Variants in LRFN5 observed in about 807,000 individuals in gnomAD.
LRFN5 encodes the protein leucine rich repeat and fibronectin type III domain containing 5.
LRFN5 carries 24 observed loss-of-function variants against 45.6 expected under a neutral mutation model. That is an observed-to-expected ratio of 0.53 (90% CI 0.38 to 0.74). LRFN5 has a LOEUF of 0.74. Ranked by LOEUF, LRFN5 falls within the 30% of genes least tolerant of loss-of-function variation. LRFN5 has a pLI of 0.00. For missense variants in LRFN5, 776 were observed against 861.5 expected, an observed-to-expected ratio of 0.90 and a Z score of 1.24; for synonymous variants, 340 against 313.8, an observed-to-expected ratio of 1.08 and a Z score of -0.88.
intron 2 of LRFN5, among the ~76,000 whole-genome samples, chr14:41,849,609 T>G (rs1889194503): frequency 6.6e-6 from 1 of 152,024 alleles, no homozygotes; most frequent in Non-Finnish European, 1.5e-5. Flanking sequence ...ATTTAATTTT[T>G]AAGAACTACC....
At chr14:41,875,921 A>G (rs1464664019) in intron 2 of LRFN5, among the ~76,000 whole-genome samples, 3 of 152,202 alleles carry the variant, frequency 2.0e-5, no homozygotes, top group Non-Finnish European at 4.4e-5. Context: ...TAGGCCACGT[A>G]TTTAACCAGC....
chr14:41,773,655 G>A (rs897599059), intron 2 of LRFN5, among the ~76,000 whole-genome samples: 8 of 152,072 alleles, frequency 5.3e-5, no homozygotes, highest in Admixed American at 6.6e-5. Flanking sequence ...ACTTGTTGGT[G>A]AGGTAAGGCA....
intron 2 of LRFN5, among the ~76,000 whole-genome samples, chr14:41,873,163 G>A (rs1430735183): frequency 6.6e-6 from 1 of 152,104 alleles, no homozygotes; most frequent in Non-Finnish European, 1.5e-5. Context: ...CAAGAATTTT[G>A]TTAAACAGTT....
intron 1 of LRFN5, among the ~76,000 whole-genome samples, chr14:41,724,969 C>CT (rs199541714): frequency 0.01 from 1,527 of 151,944 alleles, 8 homozygotes; most frequent in East Asian, 0.015. Flanking sequence ...TCAGATTATC[C>CT]TTTTTTTTAA....
chr14:41,848,668 G>A (rs928533716), intron 2 of LRFN5, among the ~76,000 whole-genome samples: 5 of 152,000 alleles, frequency 3.3e-5, no homozygotes, highest in African/African-American at 9.7e-5. Context: ...TGGTTTTTCT[G>A]TAGAATTGGA....
intron 2 of LRFN5, among the ~76,000 whole-genome samples, chr14:41,786,029 C>A (rs541406314): frequency 6.8e-6 from 1 of 148,092 alleles, no homozygotes; most frequent in East Asian, 1.9e-4. Context: ...GGGTTGGGGA[C>A]CCCTGATATA....
intron 1 of LRFN5, among the ~76,000 whole-genome samples, chr14:41,680,005 G>A (rs977889617): frequency 3.3e-5 from 5 of 152,196 alleles, no homozygotes; most frequent in African/African-American, 1.2e-4. Context: ...AGTGGTGGCG[G>A]CCATGAGGAG....
intron 1 of LRFN5, among the ~76,000 whole-genome samples, chr14:41,624,270 T>G (rs1358441327): frequency 6.6e-6 from 1 of 152,110 alleles, no homozygotes; most frequent in Non-Finnish European, 1.5e-5. Flanking sequence ...GACTGAAATT[T>G]GAATGACTGG....
chr14:41,678,808 TA>T (rs1235021548), intron 1 of LRFN5, among the ~76,000 whole-genome samples: 1 of 152,164 alleles, frequency 6.6e-6, no homozygotes, highest in Admixed American at 6.5e-5. Context: ...GCAGTCATGG[TA>T]CCAGGTTTTA....
chr14:41,768,611 C>T (rs1885972254), intron 2 of LRFN5, among the ~76,000 whole-genome samples: 1 of 152,094 alleles, frequency 6.6e-6, no homozygotes, highest in Non-Finnish European at 1.5e-5. Flanking sequence ...AGGACACTGT[C>T]CAAGCCTGAG....
At chr14:41,633,414 T>G (rs1888618126) in intron 1 of LRFN5, among the ~76,000 whole-genome samples, 1 of 152,158 alleles carries the variant, frequency 6.6e-6, no homozygotes, top group South Asian at 2.1e-4. Context: ...TATGCATTAA[T>G]TTCTTGTCAC....
intron 2 of LRFN5, among the ~76,000 whole-genome samples, chr14:41,878,035 CAAT>C (rs79320504): frequency 0.25 from 38,202 of 151,436 alleles, 5,166 homozygotes; most frequent in South Asian, 0.37. Context: ...TTTAGAGGCT[CAAT>C]AATAATATTA....
intron 2 of LRFN5, among the ~76,000 whole-genome samples, chr14:41,868,895 A>G (rs1337101406): frequency 6.6e-6 from 1 of 152,126 alleles, no homozygotes; most frequent in Admixed American, 6.6e-5. Flanking sequence ...TTCAAATCCT[A>G]TATGTCCCAT....
chr14:41,674,705 C>A (rs960766054), intron 1 of LRFN5, among the ~76,000 whole-genome samples: 11 of 151,496 alleles, frequency 7.3e-5, no homozygotes, highest in African/African-American at 2.7e-4. Context: ...GGGGGGCTGA[C>A]CCCCCTACCT....
intron 2 of LRFN5, among the ~76,000 whole-genome samples, chr14:41,809,606 G>T (rs1887671087): frequency 6.6e-6 from 1 of 151,408 alleles, no homozygotes; most frequent in South Asian, 2.1e-4. Flanking sequence ...CCTCTGGATG[G>T]TAGCATTATG....
At chr14:41,778,425 T>C (rs1886369323) in intron 2 of LRFN5, among the ~76,000 whole-genome samples, 1 of 151,808 alleles carries the variant, frequency 6.6e-6, no homozygotes, top group African/African-American at 2.4e-5. Flanking sequence ...TTTATAGTTT[T>C]ACAGGTAAAA....
intron 1 of LRFN5, among the ~76,000 whole-genome samples, chr14:41,620,034 A>T (rs1888065806): frequency 6.6e-6 from 1 of 152,070 alleles, no homozygotes; most frequent in Non-Finnish European, 1.5e-5. Context: ...TGGCTCTTTT[A>T]AAAAATACGT....
In LRFN5 at chr14:41,891,827, C is replaced by A; in HGVS notation, c.1963C>A (p.Pro655Thr). ...GACTGGCACAAAGCCAAGTACAGAA[C>A]CACAGAATGAAGCCGTCACAAATGT... ...RKTGTKPSTE[P>T]QNEAVTNVES... Residue 655 changes from proline to threonine, a missense_variant, in exon 4 of 6, where the codon CCA (proline) becomes ACA (threonine). Transcript: ENST00000298119. The A allele has an allele frequency of 6.2e-7, 1 of 1,614,184 alleles. No homozygotes were observed. The highest frequency in any genetic ancestry group is 1.1e-5 in the South Asian group (1 of 91,076).
intron 1 of LRFN5, among the ~76,000 whole-genome samples, chr14:41,676,679 C>G (rs184546861): frequency 6.6e-6 from 1 of 152,000 alleles, no homozygotes; most frequent in Non-Finnish European, 1.5e-5. Flanking sequence ...GGAACAGACT[C>G]GAAAGCATCC....
Sources: allele counts gnomAD v4.1 joint callset (sites outside exome capture counted in the v4.1 genomes callset), GRCh38; gene constraint gnomAD v4.1.1; transcripts MANE v1.5; gene names NCBI Gene and HGNC (gene_info 2026-07-23, HGNC 2026-07-21).